FTO: variants seen among roughly 807,000 people sequenced by gnomAD.
The protein encoded by FTO is FTO alpha-ketoglutarate dependent dioxygenase.
FTO carries 47 observed loss-of-function variants against 63.9 expected under a neutral mutation model. The ratio of observed to expected loss-of-function variants is 0.74; its 90% CI spans 0.58 to 0.94. FTO has a LOEUF of 0.94. Among genes scored for constraint, FTO ranks in the 40% least tolerant of loss-of-function variants. FTO has a pLI of 0.00. For missense variants in FTO, 562 were observed against 618.1 expected, an observed-to-expected ratio of 0.91 and a Z score of 0.96; for synonymous variants, 207 against 224.4, an observed-to-expected ratio of 0.92 and a Z score of 0.69.
intron 8 of FTO, among the ~76,000 whole-genome samples, chr16:54,019,893 A>G (rs1429892037): frequency 6.6e-6 from 1 of 152,190 alleles, no homozygotes; most frequent in African/African-American, 2.4e-5. Flanking sequence ...GAGATCAGAA[A>G]AGAAGGTGGC....
intron 4 of FTO, among the ~76,000 whole-genome samples, chr16:53,866,910 A>T (rs998506164): frequency 6.6e-6 from 1 of 151,908 alleles, no homozygotes; most frequent in African/African-American, 2.4e-5. Context: ...CTTTGGATTA[A>T]TTTGTTCTTT....
At chr16:53,772,035 T>G (rs542431292) in intron 1 of FTO, among the ~76,000 whole-genome samples, 3 of 152,270 alleles carry the variant, frequency 2.0e-5, no homozygotes, top group Non-Finnish European at 2.9e-5. Context: ...TAAGTAGTGG[T>G]GACGATTGCA....
chr16:53,783,391 T>TC (rs1449170668), intron 1 of FTO, among the ~76,000 whole-genome samples: 2 of 151,296 alleles, frequency 1.3e-5, no homozygotes, highest in Non-Finnish European at 2.9e-5. Flanking sequence ...GGCGGGCGGG[T>TC]CACGAGGAGA....
chr16:53,881,382 A>G (rs985105383), intron 6 of FTO, among the ~76,000 whole-genome samples: 3 of 152,096 alleles, frequency 2.0e-5, no homozygotes, highest in South Asian at 2.1e-4. Context: ...TTCCAAGCCT[A>G]TATGCACACC....
intron 4 of FTO, among the ~76,000 whole-genome samples, chr16:53,869,055 C>T (rs567786221): frequency 1.2e-4 from 18 of 152,234 alleles, no homozygotes; most frequent in African/African-American, 4.3e-4. Flanking sequence ...TGGTCTTGAA[C>T]TACTGACCTC....
At chr16:53,719,266 TTTTTTTTTTG>T (rs1347396510) in intron 1 of FTO, among the ~76,000 whole-genome samples, 10 of 25,832 alleles carry the variant, frequency 3.9e-4, no homozygotes, top group Non-Finnish European at 9.4e-4. Context: ...TTTTTTTTTT[TTTTTTTTTTG>T]AGCAGAGTCT....
intron 1 of FTO, among the ~76,000 whole-genome samples, chr16:53,790,579 C>CAAAAAAAAAAAAAAAAAAAAAAGAAAA (rs34860208): frequency 1.8e-5 from 1 of 55,224 alleles, no homozygotes; most frequent in Non-Finnish European, 3.2e-5. Flanking sequence ...CAAAATAAAG[C>CAAAAAAAAAAAAAAAAAAAAAAGAAAA]AAAAAAAAAA....
At chr16:53,773,580 C>T (rs578055225) in intron 1 of FTO, among the ~76,000 whole-genome samples, 14 of 152,184 alleles carry the variant, frequency 9.2e-5, no homozygotes, top group African/African-American at 3.1e-4. Context: ...GGGTACTTAC[C>T]AACACCTCAC....
rs967951805 is a variant in FTO at position 53,921,391 on chromosome 16, G to A, written c.1240-12594G>A. Among the ~76,000 whole-genome samples, 4 of 152,192 alleles carry A rather than the reference G, an allele frequency of 2.6e-5. 1 individual carries two copies. Among genetic ancestry groups the A allele is most frequent in the Non-Finnish European group, 4.4e-5 (3 of 68,040 alleles). ...TAACTTTTCACTTGTCCAAGGATCG[G>A]AAAGTGCTAAGCCACTTTTAGGCCA... On this transcript the variant is annotated intron_variant, in intron 7 of 8. Coordinates refer to ENST00000471389, the MANE Select transcript of FTO (RefSeq NM_001080432.3).
intron 4 of FTO, among the ~76,000 whole-genome samples, chr16:53,846,097 T>C (rs1408991841): frequency 6.6e-6 from 1 of 151,910 alleles, no homozygotes; most frequent in Non-Finnish European, 1.5e-5. Flanking sequence ...CACTTAGTTA[T>C]GAGGTAGAAC....
At position 54,015,729 on chromosome 16, in the gene FTO, T is replaced by C. The variant is rs560985643; in HGVS notation, c.1364+81620T>C. ...CCTGCTTCACATAAATTATTTCATC[T>C]CATTCTCACAACATTCTGTGAAGCG... On this transcript the variant is annotated intron_variant, in intron 8 of 8. Coordinates refer to ENST00000471389, the MANE Select transcript of FTO (RefSeq NM_001080432.3). 7.9e-5 allele frequency among the ~76,000 whole-genome samples: 12 copies of C among 152,342 alleles called. No individual in the cohort carries two copies. The South Asian group carries it at 2.5e-3, about 32-fold the overall frequency.
intron 1 of FTO, among the ~76,000 whole-genome samples, chr16:53,759,555 A>G (rs921329161): frequency 6.6e-6 from 1 of 151,958 alleles, no homozygotes; most frequent in African/African-American, 2.4e-5. Context: ...TTAGCTGGGC[A>G]TGGTGGTGGG....
chr16:53,790,579 C>CAAAAAAA (rs34860208), intron 1 of FTO, among the ~76,000 whole-genome samples: 3 of 55,224 alleles, frequency 5.4e-5, no homozygotes, highest in Non-Finnish European at 9.7e-5. Context: ...CAAAATAAAG[C>CAAAAAAA]AAAAAAAAAA....
intron 3 of FTO, among the ~76,000 whole-genome samples, chr16:53,835,973 C>T (rs970242125): frequency 3.3e-5 from 5 of 151,040 alleles, no homozygotes; most frequent in Non-Finnish European, 7.4e-5. Flanking sequence ...TCACTGCAAC[C>T]TCTGCCTCCC....
chr16:53,845,515 C>T (rs1397369622), intron 4 of FTO, among the ~76,000 whole-genome samples: 1 of 152,186 alleles, frequency 6.6e-6, no homozygotes, highest in Non-Finnish European at 1.5e-5. Context: ...GTTTTGGTCA[C>T]AATCATGTAC....
chr16:53,734,418 A>G (rs911905025), intron 1 of FTO, among the ~76,000 whole-genome samples: 37 of 152,234 alleles, frequency 2.4e-4, no homozygotes, highest in Non-Finnish European at 1.2e-4. Context: ...TGTTTCAAAA[A>G]CGATAGTTCT....
rs543905976 is a variant in FTO at position 54,111,731 on chromosome 16, G to A, written c.1365-31G>A. 2.9e-5 allele frequency: 46 copies of A among 1,613,782 alleles called. No individual in the cohort carries two copies. In the South Asian group the frequency reaches 2.9e-4, roughly 10 times the overall value. ...TGGGGTCTTCTGGGGGTTTCCTCCC[G>A]TGGATTAATTTCCTATTTTTACTCT... On this transcript the variant is annotated intron_variant, in intron 8 of 8. Coordinates refer to ENST00000471389, the MANE Select transcript of FTO (RefSeq NM_001080432.3).
intron 8 of FTO, among the ~76,000 whole-genome samples, chr16:54,068,932 G>A (rs1395038015): frequency 6.6e-6 from 1 of 152,176 alleles, no homozygotes; most frequent in Non-Finnish European, 1.5e-5. Flanking sequence ...AGCAGCCCCA[G>A]TTCTGCAAAT....
intron 4 of FTO, among the ~76,000 whole-genome samples, chr16:53,862,777 T>A (rs1281179088): frequency 6.6e-6 from 1 of 152,110 alleles, no homozygotes; most frequent in Non-Finnish European, 1.5e-5. Flanking sequence ...CTGACTGGCC[T>A]TAAGTAATCC....
Sources: allele counts gnomAD v4.1 joint callset (sites outside exome capture counted in the v4.1 genomes callset), GRCh38; gene constraint gnomAD v4.1.1; transcripts MANE v1.5; gene names NCBI Gene and HGNC (gene_info 2026-07-23, HGNC 2026-07-21).